CELF4: variants seen among roughly 807,000 people sequenced by gnomAD.
CELF4 encodes CUGBP Elav-like family member 4.
In CELF4, 18 loss-of-function variants were observed where a neutral mutation model predicts 59.9. That is an observed-to-expected ratio of 0.30 (90% CI 0.21 to 0.45). The LOEUF is 0.45. Among genes scored for constraint, CELF4 ranks in the 20% least tolerant of loss-of-function variants. The pLI is 1.00. For synonymous variants in CELF4, 261 were observed against 267.1 expected (o/e 0.98, Z 0.22); for missense variants, 456 against 689.0 (o/e 0.66, Z 3.79).
chr18:37,478,658 A>C (rs1386752240), intron 2 of CELF4, among the ~76,000 whole-genome samples: 1 of 152,212 alleles, frequency 6.6e-6, no homozygotes. Flanking sequence ...GAGATTGAAA[A>C]GATTTTGCAT....
intron 2 of CELF4, among the ~76,000 whole-genome samples, chr18:37,447,262 G>C (rs4799927): frequency 0.36 from 55,442 of 152,026 alleles, 10,754 homozygotes; most frequent in East Asian, 0.64. Context: ...ACGTCACAGA[G>C]AGGCTCCCTC....
intron 2 of CELF4, among the ~76,000 whole-genome samples, chr18:37,468,043 T>C (rs958952854): frequency 1.1e-4 from 16 of 152,364 alleles, no homozygotes; most frequent in African/African-American, 3.8e-4. Context: ...CGCAAGTACA[T>C]CTTGCACGTG....
rs1395858338 is a variant in CELF4, at chr18:37,480,217, A to G, written c.369+5308T>C. 3.3e-5 allele frequency among the ~76,000 whole-genome samples: 5 copies of G among 151,408 alleles called. No individual in the cohort carries two copies. The East Asian group carries it at 9.8e-4, about 30-fold the overall frequency. On this transcript the variant is annotated intron_variant, in intron 2 of 12. Transcript: ENST00000420428. Reference sequence around the variant, plus strand: ...GGAAGAGTGTGTGGATCTGGCTGAGATGATCTCTGCAGAGAAACAGAAGGT... The same window carrying G: ...GGAAGAGTGTGTGGATCTGGCTGAGGTGATCTCTGCAGAGAAACAGAAGGT...
At chr18:37,328,225 G>A (rs892797081) in intron 2 of CELF4, among the ~76,000 whole-genome samples, 4 of 152,216 alleles carry the variant, frequency 2.6e-5, no homozygotes, top group African/African-American at 9.6e-5. Context: ...AATTCACTGT[G>A]GCAGAAGCAG....
intron 2 of CELF4, among the ~76,000 whole-genome samples, chr18:37,464,226 TGAA>T (rs781352581): frequency 4.6e-5 from 7 of 152,086 alleles, no homozygotes; most frequent in Non-Finnish European, 1.0e-4. Flanking sequence ...TTTGCAAGGA[TGAA>T]GAAGAAGAGC....
intron 4 of CELF4, 53 bp from the exon 5 acceptor site, chr18:37,274,937 G>A: frequency 6.3e-7 from 1 of 1,584,546 alleles, no homozygotes; most frequent in Non-Finnish European, 8.6e-7. Flanking sequence ...CCAGGGAGGG[G>A]CCGGGAGGAG....
At chr18:37,543,630 G>A (rs1039533170) in intron 1 of CELF4, among the ~76,000 whole-genome samples, 7 of 152,312 alleles carry the variant, frequency 4.6e-5, no homozygotes, top group Admixed American at 6.5e-5. Flanking sequence ...ACCAGCAGCC[G>A]GACCTAAGCA....
At chr18:37,265,210 C>T (rs577856947) in intron 9 of CELF4, among the ~76,000 whole-genome samples, 11 of 148,782 alleles carry the variant, frequency 7.4e-5, no homozygotes, top group African/African-American at 2.2e-4. Context: ...TGGGTGTGTA[C>T]GTGTGTGTAC....
At chr18:37,293,025 A>G (rs1407585946) in intron 3 of CELF4, among the ~76,000 whole-genome samples, 1 of 152,186 alleles carries the variant, frequency 6.6e-6, no homozygotes, top group Non-Finnish European at 1.5e-5. Context: ...GTTCAGGTGG[A>G]TAGAAGGACC....
chr18:37,479,654 G>A (rs995148036), intron 2 of CELF4, among the ~76,000 whole-genome samples: 2 of 152,058 alleles, frequency 1.3e-5, no homozygotes, highest in Non-Finnish European at 2.9e-5. Flanking sequence ...AAGGCTGGGC[G>A]ACCCCCATGA....
At chr18:37,398,733 G>C (rs901720501) in intron 2 of CELF4, among the ~76,000 whole-genome samples, 1 of 152,170 alleles carries the variant, frequency 6.6e-6, no homozygotes, top group South Asian at 2.1e-4. Flanking sequence ...TGGGGGTTCC[G>C]GAGAGTGGTG....
intron 2 of CELF4, among the ~76,000 whole-genome samples, chr18:37,383,619 G>A (rs2099066817): frequency 6.6e-6 from 1 of 152,182 alleles, no homozygotes; most frequent in South Asian, 2.1e-4. Context: ...CATGCCAAAT[G>A]CCATGTGGCA....
chr18:37,452,680 C>A (rs1027647583), intron 2 of CELF4, among the ~76,000 whole-genome samples: 2 of 152,160 alleles, frequency 1.3e-5, no homozygotes, highest in African/African-American at 4.8e-5. Flanking sequence ...TCCTCTTTCT[C>A]TTACAGACCC....
At chr18:37,342,336 A>G (rs1404435400) in intron 2 of CELF4, among the ~76,000 whole-genome samples, 1 of 151,920 alleles carries the variant, frequency 6.6e-6, no homozygotes, top group Non-Finnish European at 1.5e-5. Flanking sequence ...CTAGGGCCCC[A>G]TAAAGATAGC....
chr18:37,362,936 C>T (rs2098728751), intron 2 of CELF4, among the ~76,000 whole-genome samples: 1 of 152,174 alleles, frequency 6.6e-6, no homozygotes, highest in Non-Finnish European at 1.5e-5. Context: ...CTCTCAGGCC[C>T]CTCAGGAGAT....
intron 10 of CELF4, among the ~76,000 whole-genome samples, chr18:37,264,414 C>T (rs1255052622): frequency 6.6e-6 from 1 of 152,264 alleles, no homozygotes; most frequent in Non-Finnish European, 1.5e-5. Context: ...CCTGCCAGCC[C>T]TCAGGGCATT....
chr18:37,404,690 C>G (rs1229317788), intron 2 of CELF4, among the ~76,000 whole-genome samples: 4 of 152,154 alleles, frequency 2.6e-5, no homozygotes, highest in African/African-American at 9.7e-5. Context: ...AGAGGCACCC[C>G]AAGAAAGCAG....
At chr18:37,546,605 G>A (rs1298085553) in intron 1 of CELF4, among the ~76,000 whole-genome samples, 1 of 152,166 alleles carries the variant, frequency 6.6e-6, no homozygotes, top group Non-Finnish European at 1.5e-5. Context: ...GAGGAATGAA[G>A]ACAGCCCTCT....
In CELF4 at chr18:37,565,699, T is replaced by G. The variant is rs1209564994; in HGVS notation, c.-58A>C. On this transcript the variant is annotated 5_prime_UTR_variant, in exon 1 of 13. Coordinates refer to ENST00000420428, the MANE Select transcript of CELF4 (RefSeq NM_020180.4). Reference sequence around the variant, plus strand: ...GCTCACACTCTCTCGCTCCTCTCTCTCGCTCGCTCGCGCTCACACACGCAC... The same window carrying G: ...GCTCACACTCTCTCGCTCCTCTCTCGCGCTCGCTCGCGCTCACACACGCAC... 1 of 1,462,834 alleles carries G rather than the reference T, an allele frequency of 6.8e-7. No individual in the cohort carries two copies. The highest frequency in any genetic ancestry group is 1.4e-5 in the African/African-American group (1 of 71,026). The allele number at this position is 1,462,834 out of a possible 1,614,324, so 90.6% of individuals were successfully genotyped here. A position where few individuals can be genotyped will look rare whatever the true frequency, so the allele number is the denominator to read the frequency against.
Sources: gnomAD v4.1 joint callset for allele counts (sites outside exome capture counted in the v4.1 genomes callset) on GRCh38, gnomAD v4.1.1 for gene constraint, MANE v1.5 for transcripts, NCBI Gene and HGNC (gene_info 2026-07-23, HGNC 2026-07-21) for gene names.